The following SEMA3D variants were observed in gnomAD, a reference collection of about 807,000 sequenced individuals.
SEMA3D encodes semaphorin-3D.
SEMA3D carries 84 observed loss-of-function variants against 100.1 expected under a neutral mutation model. The observed-to-expected ratio is 0.84, with a 90% confidence interval of 0.70 to 1.01. SEMA3D has a LOEUF of 1.01. Ranked by LOEUF, SEMA3D falls within the 50% of genes least tolerant of loss-of-function variation. The probability of loss-of-function intolerance (pLI) is 0.00; values close to 1 mark genes in which losing one functional copy is unlikely to be tolerated. For missense variants in SEMA3D, 875 were observed against 934.1 expected, an observed-to-expected ratio of 0.94 and a Z score of 0.82; for synonymous variants, 312 against 320.7, an observed-to-expected ratio of 0.97 and a Z score of 0.29.
At chr7:85,196,799 A>C in the SEMA3D span, among the ~76,000 whole-genome samples, 1 of 152,200 alleles carries the variant, frequency 6.6e-6, no homozygotes, top group East Asian at 1.9e-4. Flanking sequence ...ATTCTACTAC[A>C]TTCCCACAAA....
chr7:85,037,323 A>C (rs947887402), intron 11 of SEMA3D, among the ~76,000 whole-genome samples: 1 of 152,178 alleles, frequency 6.6e-6, no homozygotes, highest in Admixed American at 6.6e-5. Context: ...TGTCATCTAA[A>C]TTGGCACCTG....
the SEMA3D span, among the ~76,000 whole-genome samples, chr7:85,201,222 C>T: frequency 6.6e-6 from 1 of 152,166 alleles, no homozygotes; most frequent in East Asian, 1.9e-4. Context: ...TTGCTCTCTT[C>T]TCTTTTGCCA....
intron 2 of SEMA3D, among the ~76,000 whole-genome samples, chr7:85,122,232 C>CAAAA (rs34627101): frequency 2.4e-4 from 34 of 144,120 alleles, no homozygotes; most frequent in African/African-American, 7.8e-4. Context: ...ACTTAAAGTA[C>CAAAA]AAAAAAAAAA....
intron 11 of SEMA3D, among the ~76,000 whole-genome samples, chr7:85,038,013 A>G (rs981080030): frequency 3.8e-4 from 45 of 118,254 alleles, no homozygotes; most frequent in African/African-American, 1.5e-3. Context: ...ACATAGACAC[A>G]GGAAGGGGAA....
the SEMA3D span, among the ~76,000 whole-genome samples, chr7:85,237,191 C>G: frequency 6.6e-6 from 1 of 152,102 alleles, no homozygotes; most frequent in African/African-American, 2.4e-5. Context: ...AGTTAGAATT[C>G]CCATATACCT....
chr7:85,145,012 G>C (rs1790162413), intron 2 of SEMA3D, among the ~76,000 whole-genome samples: 1 of 151,994 alleles, frequency 6.6e-6, no homozygotes, highest in African/African-American at 2.4e-5. Flanking sequence ...AAAGCACGGA[G>C]GAAAAATAAA....
intron 3 of SEMA3D, among the ~76,000 whole-genome samples, chr7:85,101,061 C>T (rs1788727964): frequency 6.6e-6 from 1 of 151,852 alleles, no homozygotes; most frequent in African/African-American, 2.4e-5. Flanking sequence ...GGATAATATC[C>T]AACAAATACG....
chr7:85,193,506 C>G, the SEMA3D span, among the ~76,000 whole-genome samples: 2 of 152,078 alleles, frequency 1.3e-5, no homozygotes, highest in Non-Finnish European at 2.9e-5. Context: ...ATATGACCAG[C>G]GTCTAACCTG....
At chr7:85,245,283 C>T in the SEMA3D span, among the ~76,000 whole-genome samples, 1 of 152,214 alleles carries the variant, frequency 6.6e-6, no homozygotes, top group South Asian at 2.1e-4. Context: ...ACAAGAGAAC[C>T]TGCAGAGGCT....
At chr7:85,178,684 C>T (rs1791309295) in intron 1 of SEMA3D, among the ~76,000 whole-genome samples, 1 of 152,156 alleles carries the variant, frequency 6.6e-6, no homozygotes, top group Admixed American at 6.5e-5. Context: ...AACCCATTTT[C>T]TGAGGAAAAA....
intron 2 of SEMA3D, among the ~76,000 whole-genome samples, chr7:85,134,355 T>A (rs1046249912): frequency 6.6e-6 from 1 of 152,024 alleles, no homozygotes; most frequent in African/African-American, 2.4e-5. Context: ...AACCTAAAGT[T>A]ATTTTTGAAG....
chr7:85,147,278 T>A (rs1043336988), intron 2 of SEMA3D, among the ~76,000 whole-genome samples: 3 of 151,982 alleles, frequency 2.0e-5, no homozygotes, highest in Non-Finnish European at 4.4e-5. Flanking sequence ...AATTTTGTAT[T>A]TTTAGTAGAG....
intron 1 of SEMA3D, 145 bp downstream of exon 1, chr7:85,186,533 T>G (rs1401473302): frequency 6.6e-6 from 1 of 152,298 alleles, no homozygotes; most frequent in Non-Finnish European, 1.5e-5. Context: ...CTTCTCTGTC[T>G]CAGGACGGTT....
chr7:85,128,308 C>T (rs1441265907), intron 2 of SEMA3D, among the ~76,000 whole-genome samples: 3 of 152,028 alleles, frequency 2.0e-5, no homozygotes, highest in South Asian at 4.1e-4. Context: ...GCTGGGATTA[C>T]AGGCGCACGC....
chr7:85,249,098 A>G, the SEMA3D span, among the ~76,000 whole-genome samples: 2 of 152,306 alleles, frequency 1.3e-5, no homozygotes, highest in East Asian at 3.9e-4. Context: ...GGCATATGGT[A>G]TCTCTTCCTC....
At chr7:85,010,612 C>A (rs1191936021) in intron 17 of SEMA3D, among the ~76,000 whole-genome samples, 2 of 151,772 alleles carry the variant, frequency 1.3e-5, no homozygotes, top group Non-Finnish European at 2.9e-5. Context: ...AAAAGTGACT[C>A]CTAGCTGCTT....
chr7:85,076,761 G>A (rs1175869552), intron 5 of SEMA3D, among the ~76,000 whole-genome samples: 4 of 151,976 alleles, frequency 2.6e-5, no homozygotes, highest in African/African-American at 9.7e-5. Context: ...AGAAGTTCTC[G>A]GACAGGATCC....
intron 5 of SEMA3D, among the ~76,000 whole-genome samples, chr7:85,073,286 A>G (rs1791828400): frequency 6.6e-6 from 1 of 152,190 alleles, no homozygotes; most frequent in Admixed American, 6.5e-5. Flanking sequence ...AGCTTTTTAG[A>G]TTTTTGAAGT....
chr7:85,133,497 C>T (rs753788574), intron 2 of SEMA3D, among the ~76,000 whole-genome samples: 14 of 151,904 alleles, frequency 9.2e-5, no homozygotes, highest in African/African-American at 2.4e-4. Flanking sequence ...CTAAAACTAG[C>T]GCAACGTTCT....
Sources: gnomAD v4.1 joint callset for allele counts (sites outside exome capture counted in the v4.1 genomes callset) on GRCh38, gnomAD v4.1.1 for gene constraint, MANE v1.5 for transcripts, NCBI Gene and HGNC (gene_info 2026-07-23, HGNC 2026-07-21) for gene names.